Variants in ASIC2 observed in about 807,000 individuals in gnomAD.
The protein encoded by ASIC2 is acid sensing ion channel subunit 2.
In ASIC2, 25 loss-of-function variants were observed where a neutral mutation model predicts 57.3. The ratio of observed to expected loss-of-function variants is 0.44; its 90% CI spans 0.32 to 0.61. ASIC2 has a LOEUF of 0.61. Among genes scored for constraint, ASIC2 ranks in the 20% least tolerant of loss-of-function variants. ASIC2 has a pLI of 0.06. For missense variants in ASIC2, 641 were observed against 738.1 expected, an observed-to-expected ratio of 0.87 and a Z score of 1.52; for synonymous variants, 319 against 307.5, an observed-to-expected ratio of 1.04 and a Z score of -0.39.
At chr17:33,693,039 C>T (rs1227552421) in intron 1 of ASIC2, among the ~76,000 whole-genome samples, 1 of 152,124 alleles carries the variant, frequency 6.6e-6, no homozygotes, top group Non-Finnish European at 1.5e-5. Context: ...TTTCTGGAGG[C>T]TCAGTTGCCT....
chr17:34,001,778 T>C (rs1203764998), intron 1 of ASIC2: 2 of 152,260 alleles, frequency 1.3e-5, no homozygotes, highest in Non-Finnish European at 2.9e-5. Flanking sequence ...GTTTAGTGCA[T>C]CTTTTCTTAT....
chr17:33,742,003 T>C (rs1046042819), intron 1 of ASIC2, among the ~76,000 whole-genome samples: 9 of 152,198 alleles, frequency 5.9e-5, no homozygotes, highest in Non-Finnish European at 1.2e-4. Flanking sequence ...GGTCTAGGCC[T>C]GGCCGGACAC....
chr17:33,399,999 G>T (rs1320416726), intron 1 of ASIC2, among the ~76,000 whole-genome samples: 1 of 152,182 alleles, frequency 6.6e-6, no homozygotes, highest in South Asian at 2.1e-4. Context: ...AGCAGACCTG[G>T]GTTACCATAG....
At chr17:34,155,918 C>T in intron 1 of ASIC2, 1 of 1,531,404 alleles carries the variant, frequency 6.5e-7, no homozygotes, top group Non-Finnish European at 8.8e-7. Context: ...AAGCAGGAGA[C>T]CACCGGCGCA....
intron 1 of ASIC2, among the ~76,000 whole-genome samples, chr17:34,105,647 C>CA (rs1441950349): frequency 6.6e-6 from 1 of 151,670 alleles, no homozygotes; most frequent in Non-Finnish European, 1.5e-5. Flanking sequence ...TTAATAATTA[C>CA]AAAAAATAAT....
intron 1 of ASIC2, among the ~76,000 whole-genome samples, chr17:33,229,171 A>C (rs1232184819): frequency 6.6e-6 from 1 of 152,150 alleles, no homozygotes; most frequent in Non-Finnish European, 1.5e-5. Flanking sequence ...AGGTGTACCA[A>C]GCAAGAGGAG....
chr17:33,638,833 C>T (rs1490642612), intron 1 of ASIC2, among the ~76,000 whole-genome samples: 2 of 152,034 alleles, frequency 1.3e-5, no homozygotes, highest in Non-Finnish European at 2.9e-5. Flanking sequence ...TATCCCTGGG[C>T]TGCCCTCAAC....
chr17:33,065,590 C>A (rs935569092), intron 3 of ASIC2, among the ~76,000 whole-genome samples: 5 of 152,202 alleles, frequency 3.3e-5, no homozygotes, highest in Admixed American at 6.5e-5. Flanking sequence ...TGATTGAATT[C>A]TTATTAGTCA....
intron 1 of ASIC2, among the ~76,000 whole-genome samples, chr17:33,912,718 G>A (rs1239212483): frequency 3.6e-4 from 21 of 57,766 alleles, no homozygotes; most frequent in African/African-American, 8.5e-4. Flanking sequence ...GGTGTCTCAC[G>A]CCTGTAATCC....
intron 1 of ASIC2, among the ~76,000 whole-genome samples, chr17:34,062,804 T>C (rs1567805601): frequency 6.6e-6 from 1 of 151,796 alleles, no homozygotes. Flanking sequence ...AATACAACCC[T>C]CCTAGCTTAA....
At chr17:34,106,267 T>C (rs751744992) in intron 1 of ASIC2, among the ~76,000 whole-genome samples, 1 of 152,204 alleles carries the variant, frequency 6.6e-6, no homozygotes, top group African/African-American at 2.4e-5. Context: ...GTTCAAGGTG[T>C]TGCCAATTTT....
In ASIC2 at chr17:33,015,920, C is replaced by T. The variant is rs368009672; in HGVS notation, c.1590+51G>A. On this transcript the variant is annotated intron_variant, in intron 9 of 9. Coordinates refer to ENST00000225823, the MANE Select transcript of ASIC2 (RefSeq NM_183377.2). ...GCCCCAGCATCTGGTTTTGTACTGC[C>T]GGTACAAGCCAGAGCAGCAGAACAA... 436 of 1,595,892 alleles carry T rather than the reference C, an allele frequency of 2.7e-4. 6 individuals are homozygous for T. In the Middle Eastern group the frequency reaches 4.6e-3, roughly 17 times the overall value.
chr17:33,726,722 T>C (rs551629225), intron 1 of ASIC2, among the ~76,000 whole-genome samples: 2 of 152,334 alleles, frequency 1.3e-5, no homozygotes, highest in East Asian at 1.9e-4. Flanking sequence ...TTAGGCATCC[T>C]GGGATAACCT....
At chr17:33,573,976 C>T (rs1346102987) in intron 1 of ASIC2, among the ~76,000 whole-genome samples, 1 of 152,168 alleles carries the variant, frequency 6.6e-6, no homozygotes, top group African/African-American at 2.4e-5. Flanking sequence ...ATACAGGCTG[C>T]TTACTCATTT....
intron 1 of ASIC2, among the ~76,000 whole-genome samples, chr17:33,670,908 C>T (rs778578758): frequency 3.2e-4 from 48 of 152,162 alleles, no homozygotes; most frequent in Non-Finnish European, 4.0e-4. Context: ...ATGAGACTCC[C>T]TCAAAGTGTT....
intron 1 of ASIC2, among the ~76,000 whole-genome samples, chr17:33,414,354 G>T (rs1039477911): frequency 3.9e-5 from 6 of 152,192 alleles, no homozygotes; most frequent in African/African-American, 7.2e-5. Context: ...GGGTGTGGTG[G>T]AACGAGGAAG....
At chr17:34,133,157 G>A (rs12940154) in intron 1 of ASIC2, among the ~76,000 whole-genome samples, 3,376 of 152,306 alleles carry the variant, frequency 0.022, 111 homozygotes, top group African/African-American at 0.076. Context: ...TTGATAAATA[G>A]ATGTATGATA....
chr17:33,695,778 A>G (rs1225110254), intron 1 of ASIC2, among the ~76,000 whole-genome samples: 2 of 152,232 alleles, frequency 1.3e-5, no homozygotes, highest in Admixed American at 1.3e-4. Context: ...GCAATTAGGA[A>G]CATAAATTTA....
rs1220012879 is a variant in ASIC2, at chr17:33,183,113, A to C, written c.709-71046T>G. ...TGTTCAAGGCCACACAGCCACTAAGAAGCAAAGCTAAGATTTGAAGCCCAT... is the reference window on the plus strand; with the variant it reads ...TGTTCAAGGCCACACAGCCACTAAGCAGCAAAGCTAAGATTTGAAGCCCAT... On this transcript the variant is annotated intron_variant, in intron 1 of 9. Transcript: ENST00000225823. 3.9e-5 allele frequency among the ~76,000 whole-genome samples: 6 copies of C among 152,312 alleles called. No individual in the cohort carries two copies. The East Asian group carries it at 7.7e-4, about 20-fold the overall frequency.
Sources: gnomAD v4.1 joint callset for allele counts (sites outside exome capture counted in the v4.1 genomes callset) on GRCh38, gnomAD v4.1.1 for gene constraint, MANE v1.5 for transcripts, NCBI Gene and HGNC (gene_info 2026-07-23, HGNC 2026-07-21) for gene names.